Variants in FGF5 observed in about 807,000 individuals in gnomAD.
FGF5 encodes heparin-binding growth factor 5.
In FGF5, 23 loss-of-function variants were observed where a neutral mutation model predicts 21.8. That is an observed-to-expected ratio of 1.05 (90% CI 0.76 to 1.49). The LOEUF is 1.49. Among genes scored for constraint, FGF5 ranks in the 40% most tolerant of loss-of-function variants. The probability of loss-of-function intolerance (pLI) is 0.00; values close to 1 mark genes in which losing one functional copy is unlikely to be tolerated. For synonymous variants in FGF5, 158 were observed against 124.0 expected, an observed-to-expected ratio of 1.27 and a Z score of -1.82; for missense variants, 352 against 332.9, an observed-to-expected ratio of 1.06 and a Z score of -0.45.
intron 2 of FGF5, among the ~76,000 whole-genome samples, chr4:80,280,293 C>A (rs1017913600): frequency 1.3e-5 from 2 of 152,190 alleles, no homozygotes; most frequent in African/African-American, 4.8e-5. Context: ...CAGTTTTGCA[C>A]TGTGGAGGTC....
rs146931596 is a variant in FGF5, at chr4:80,286,595, A to G, written c.730A>G (p.Lys244Glu). 5.2e-5 allele frequency: 84 copies of G among 1,614,084 alleles called. No individual in the cohort carries two copies. In the African/African-American group the frequency reaches 1.1e-3, roughly 20 times the overall value. ...PEKKKPPSPI[K>E]PKIPLSAPRK... ...AAAGAAAAAGCCACCTAGCCCTATC[A>G]AGCCAAAGATTCCCCTTTCTGCACC... The change falls in exon 3 of 3, where the codon AAG (lysine) becomes GAG (glutamate). Residue 244 changes from lysine to glutamate, a missense_variant. Coordinates refer to ENST00000312465, the MANE Select transcript of FGF5 (RefSeq NM_004464.4).
At position 80,286,706 on chromosome 4, in the gene FGF5, C is replaced by T. The variant is rs34334216; in HGVS notation, c.*34C>T. On this transcript the variant is annotated 3_prime_UTR_variant, in exon 3 of 3. Transcript: ENST00000312465. ...TTGGCCTTGTGAGAAACCATTCTTT[C>T]CCCTCAGGAGTTTCTATAGGTGTCT... 6 of 1,558,768 alleles carry T rather than the reference C, an allele frequency of 3.8e-6. No homozygotes were observed. Among genetic ancestry groups the T allele is most frequent in the Non-Finnish European group, 5.3e-6 (6 of 1,135,548 alleles).
chr4:80,270,473 A>T (rs1720239890), intron 1 of FGF5, among the ~76,000 whole-genome samples: 1 of 152,078 alleles, frequency 6.6e-6, no homozygotes, highest in East Asian at 1.9e-4. Context: ...TGGACCAATT[A>T]ATATACTCTT....
intron 1 of FGF5, among the ~76,000 whole-genome samples, chr4:80,269,320 T>G (rs1720203415): frequency 6.6e-6 from 1 of 152,106 alleles, no homozygotes. Flanking sequence ...TGGGGAGGGT[T>G]TAGGTGTGCT....
At chr4:80,272,356 T>C (rs1720293273) in intron 1 of FGF5, among the ~76,000 whole-genome samples, 2 of 152,136 alleles carry the variant, frequency 1.3e-5, no homozygotes, top group South Asian at 4.1e-4. Flanking sequence ...CTTTCACATA[T>C]ATTATTTCAT....
At position 80,289,467 on chromosome 4, in the gene FGF5, A is replaced by G. The variant is rs1720837193; in HGVS notation, c.*2795A>G. The G allele has an allele frequency of 6.6e-6, 1 of 152,152 alleles. No individual in the cohort carries two copies. Among genetic ancestry groups the G allele is most frequent in the Non-Finnish European group, 1.5e-5 (1 of 68,022 alleles). 9.4% of individuals were successfully genotyped at this position (152,152 alleles called of 1,614,324 possible). A position where few individuals can be genotyped will look rare whatever the true frequency, so the allele number is the denominator to read the frequency against. ...AAGTAACTAGAACCACCAAATATCA[A>G]ATAAAATTATTTGGTTATGGTTATG... On this transcript the variant is annotated 3_prime_UTR_variant, in exon 3 of 3. Transcript: ENST00000312465.
intron 1 of FGF5, 42 bp downstream of exon 1, chr4:80,267,221 G>A (rs1720122253): frequency 1.3e-6 from 2 of 1,506,540 alleles, no homozygotes; most frequent in South Asian, 1.3e-5. Flanking sequence ...CTAGGCGGCC[G>A]CGGAAGATTC....
At chr4:80,275,149 C>A (rs1720376758) in intron 2 of FGF5, 137 bp downstream of exon 2, 3 of 452,728 alleles carry the variant, frequency 6.6e-6, no homozygotes, top group Non-Finnish European at 7.8e-6. Context: ...TACATTTAAC[C>A]AAGATAATTT....
At position 80,266,882 on chromosome 4, in the gene FGF5, G is replaced by C. The variant is rs776286396; in HGVS notation, c.58G>C (p.Ala20Pro). The C allele has an allele frequency of 2.7e-5, 43 of 1,612,712 alleles. No individual in the cohort carries two copies. The highest frequency in any genetic ancestry group is 3.6e-5 in the Non-Finnish European group (42 of 1,179,460). The change falls in exon 1 of 3, where the codon GCT (alanine) becomes CCT (proline). Residue 20 changes from alanine to proline, a missense_variant. Ala to Pro is a conservative substitution (Grantham distance 27). Transcript: ENST00000312465. ...FFSHLILSAW[A>P]HGEKRLAPKG... ...CAGCCACCTGATCCTCAGCGCCTGG[G>C]CTCACGGGGAGAAGCGTCTCGCCCC...
At chr4:80,271,794 T>C (rs35206152) in intron 1 of FGF5, among the ~76,000 whole-genome samples, 2 of 152,270 alleles carry the variant, frequency 1.3e-5, no homozygotes, top group East Asian at 3.9e-4. Flanking sequence ...TGACTCCCGA[T>C]GATAAAGGTC....
rs35583660 is a variant in FGF5 at position 80,288,996 on chromosome 4, ATT to A, written c.*2339_*2340del. 13 of 141,564 alleles carry A rather than the reference ATT, an allele frequency of 9.2e-5. No individual in the cohort carries two copies. Among genetic ancestry groups the A allele is most frequent in the East Asian group, 2.0e-4 (1 of 4,882 alleles). The allele number at this position is 141,564 out of a possible 1,614,324, so 8.8% of individuals were successfully genotyped here. A position where few individuals can be genotyped will look rare whatever the true frequency, so the allele number is the denominator to read the frequency against. ...TTGTCTTTACTGGCCATACAAAATG[ATT>A]TTTTTTTTTTTTTTGAGACAGAGTC... On this transcript the variant is annotated 3_prime_UTR_variant, in exon 3 of 3. Transcript: ENST00000312465.
At chr4:80,268,547 G>A (rs1308056715) in intron 1 of FGF5, 3 of 986,074 alleles carry the variant, frequency 3.0e-6, no homozygotes, top group Non-Finnish European at 3.6e-6. Context: ...TCTCCAGAGG[G>A]GGGTCGGAGG....
In FGF5 at chr4:80,288,576, T is replaced by C. The variant is rs190375738; in HGVS notation, c.*1904T>C. 1.3e-4 allele frequency: 20 copies of C among 152,348 alleles called. No individual in the cohort carries two copies. The highest frequency in any genetic ancestry group is 1.0e-3 in the Admixed American group (16 of 15,296). 9.4% of individuals were successfully genotyped at this position (152,348 alleles called of 1,614,324 possible). ...CATCCAAATGGCATATGACCCTGTT[T>C]ACACAGCCTAAAGCTAAAAATATTA... On this transcript the variant is annotated 3_prime_UTR_variant, in exon 3 of 3. Coordinates refer to ENST00000312465, the MANE Select transcript of FGF5 (RefSeq NM_004464.4).
At position 80,286,689 on chromosome 4, in the gene FGF5, G is replaced by A; in HGVS notation, c.*17G>A. On this transcript the variant is annotated 3_prime_UTR_variant, in exon 3 of 3. Transcript: ENST00000312465. ...TTTGGATAATATTCCTCTTGGCCTT[G>A]TGAGAAACCATTCTTTCCCCTCAGG... 1.3e-6 allele frequency: 2 copies of A among 1,595,556 alleles called. No homozygotes were observed. Among genetic ancestry groups the A allele is most frequent in the Admixed American group, 1.7e-5 (1 of 59,276 alleles).
chr4:80,268,313 G>A (rs1458439843), intron 1 of FGF5: 4 of 214,876 alleles, frequency 1.9e-5, no homozygotes, highest in Non-Finnish European at 3.2e-5. Context: ...CCACCAGGCA[G>A]AGCCCCAGCC....
chr4:80,266,977 T>A lies in FGF5; in HGVS notation c.153T>A (p.Ser51Arg), dbSNP rs766535527. ...PRGSSSRQSSSSAMSSSSASS... is the reference protein window; with the variant it reads ...PRGSSSRQSSRSAMSSSSASS... ...GCTCCAGCAGCAGACAGAGCAGCAG[T>A]AGCGCTATGTCTTCCTCTTCTGCCT... Residue 51 changes from serine (S) to arginine (R), a missense_variant, in exon 1 of 3, where the codon AGT (serine) becomes AGA (arginine). Ser to Arg is a moderately radical substitution (Grantham distance 110). Coordinates refer to ENST00000312465, the MANE Select transcript of FGF5 (RefSeq NM_004464.4). 1 of 1,614,208 alleles carries A rather than the reference T, an allele frequency of 6.2e-7. No individual in the cohort carries two copies. The highest frequency in any genetic ancestry group is 1.1e-5 in the South Asian group (1 of 91,090).
In FGF5 at chr4:80,287,918, A is replaced by C. The variant is rs979104528; in HGVS notation, c.*1246A>C. The C allele has an allele frequency of 1.3e-5, 2 of 152,162 alleles. No homozygotes were observed. Among genetic ancestry groups the C allele is most frequent in the African/African-American group, 4.8e-5 (2 of 41,446 alleles). The allele number at this position is 152,162 out of a possible 1,614,324, so 9.4% of individuals were successfully genotyped here. ...ACTGGCCTTTTGATAGAGGTAACTT[A>C]ATTTGGGAATTTGTTGTGTTGAAAT... is the stretch of plus-strand genomic sequence containing the variant. On this transcript the variant is annotated 3_prime_UTR_variant, in exon 3 of 3. Transcript: ENST00000312465.
At chr4:80,279,909 T>A (rs1006519363) in intron 2 of FGF5, among the ~76,000 whole-genome samples, 15 of 152,200 alleles carry the variant, frequency 9.9e-5, no homozygotes, top group Admixed American at 9.2e-4. Flanking sequence ...GCTTGATCAG[T>A]CCTAAGCAAG....
chr4:80,275,992 T>C (rs35498530), intron 2 of FGF5, among the ~76,000 whole-genome samples: 1 of 152,162 alleles, frequency 6.6e-6, no homozygotes, highest in East Asian at 1.9e-4. Context: ...TTACTATATA[T>C]AATTTGATTT....
Sources: allele counts gnomAD v4.1 joint callset (sites outside exome capture counted in the v4.1 genomes callset), GRCh38; gene constraint gnomAD v4.1.1; transcripts MANE v1.5; gene names NCBI Gene and HGNC (gene_info 2026-07-23, HGNC 2026-07-21).